PLPP1: variants seen among roughly 807,000 people sequenced by gnomAD.
PLPP1 encodes the protein lipid phosphate phosphohydrolase 1a.
In PLPP1, 24 loss-of-function variants were observed where a neutral mutation model predicts 31.2. The ratio of observed to expected loss-of-function variants is 0.77; its 90% CI spans 0.56 to 1.08. The LOEUF is 1.08. Among genes scored for constraint, PLPP1 ranks in the 50% least tolerant of loss-of-function variants. The probability of loss-of-function intolerance (pLI) is 0.00; values close to 1 mark genes in which losing one functional copy is unlikely to be tolerated. For missense variants in PLPP1, 319 were observed against 342.7 expected, an observed-to-expected ratio of 0.93 and a Z score of 0.55; for synonymous variants, 146 against 126.3, an observed-to-expected ratio of 1.16 and a Z score of -1.05.
chr5:55,479,864 T>G (rs145073566), intron 1 of PLPP1, among the ~76,000 whole-genome samples: 2 of 152,354 alleles, frequency 1.3e-5, no homozygotes, highest in East Asian at 3.9e-4. Context: ...ATTTTTTGAT[T>G]ACCCTATGTG....
intron 1 of PLPP1, among the ~76,000 whole-genome samples, chr5:55,516,990 A>G (rs1053174598): frequency 2.6e-5 from 4 of 152,188 alleles, no homozygotes; most frequent in Admixed American, 2.0e-4. Flanking sequence ...TTTATCTCAT[A>G]TAATTCACTA....
At chr5:55,523,818 T>C (rs1476743729) in intron 1 of PLPP1, among the ~76,000 whole-genome samples, 1 of 152,194 alleles carries the variant, frequency 6.6e-6, no homozygotes, top group Admixed American at 6.5e-5. Context: ...ACTCATTTTG[T>C]TCCTTAAATC....
At position 55,444,360 on chromosome 5, in the gene PLPP1, C is replaced by T. The variant is rs558469616; in HGVS notation, c.492-2452G>A. Among the ~76,000 whole-genome samples, 47 of 152,240 alleles carry T rather than the reference C, an allele frequency of 3.1e-4. No individual in the cohort carries two copies. In the South Asian group the frequency reaches 7.9e-3, roughly 26 times the overall value. The stretch of plus-strand genomic sequence containing the variant: ...CCTCCCAAAGTGCTAGGATTACAAG[C>T]GTGAGCCACCGCGCCCGGCCCCAAA... On this transcript the variant is annotated intron_variant, in intron 3 of 5. Coordinates refer to ENST00000307259, the MANE Select transcript of PLPP1 (RefSeq NM_003711.4).
At chr5:55,483,915 A>T (rs1193094238) in intron 1 of PLPP1, among the ~76,000 whole-genome samples, 1 of 152,146 alleles carries the variant, frequency 6.6e-6, no homozygotes, top group Non-Finnish European at 1.5e-5. Flanking sequence ...ATATTAAGAT[A>T]TGTTTACATA....
intron 3 of PLPP1, among the ~76,000 whole-genome samples, chr5:55,456,935 G>A (rs1752026322): frequency 6.6e-6 from 1 of 152,144 alleles, no homozygotes; most frequent in African/African-American, 2.4e-5. Flanking sequence ...GCTAAGGTGG[G>A]CAGATCATGA....
chr5:55,465,303 C>T (rs936944888), intron 3 of PLPP1, among the ~76,000 whole-genome samples: 6 of 152,138 alleles, frequency 3.9e-5, no homozygotes, highest in Non-Finnish European at 7.4e-5. Flanking sequence ...CCTCTGCCTC[C>T]CAAAGTGCTG....
rs369791599 is a variant in PLPP1 at position 55,438,758 on chromosome 5, G to A, written c.549+3093C>T. On this transcript the variant is annotated intron_variant, in intron 4 of 5. Coordinates refer to ENST00000307259, the MANE Select transcript of PLPP1 (RefSeq NM_003711.4). ...CTACTAAAGATACAAAAAATTAGCC[G>A]GGCGTGGTGGCGGGCGCCTGTAGTC... Among the ~76,000 whole-genome samples the A allele has an allele frequency of 1.4e-3, 206 of 152,176 alleles. 2 individuals are homozygous for A. The Middle Eastern group carries it at 0.024, about 18-fold the overall frequency.
chr5:55,505,208 C>T (rs1753247649), intron 1 of PLPP1, among the ~76,000 whole-genome samples: 1 of 152,134 alleles, frequency 6.6e-6, no homozygotes, highest in Non-Finnish European at 1.5e-5. Context: ...TTCTATACTT[C>T]ATCTACTCAA....
intron 1 of PLPP1, chr5:55,530,636 G>A (rs2111961427): frequency 2.5e-6 from 4 of 1,588,350 alleles, no homozygotes; most frequent in Non-Finnish European, 3.5e-6. Flanking sequence ...CACAGCATCT[G>A]CAGCTACCAG....
chr5:55,430,105 C>T (rs1417602657), intron 4 of PLPP1, among the ~76,000 whole-genome samples: 4 of 152,156 alleles, frequency 2.6e-5, no homozygotes, highest in Non-Finnish European at 5.9e-5. Context: ...CACCTATGGG[C>T]CTGGGGACTA....
Position 55,462,563 on chromosome 5 carries a change from G to A in PLPP1, c.491+5306C>T, listed in dbSNP as rs140829536. ...TAAAAAATAAGAAAAATTTTGGAACGTTGAGGCAAGTAAAGATTTCTTAGG... is the reference window on the plus strand; with the variant it reads ...TAAAAAATAAGAAAAATTTTGGAACATTGAGGCAAGTAAAGATTTCTTAGG... On this transcript the variant is annotated intron_variant, in intron 3 of 5. Coordinates refer to ENST00000307259, the MANE Select transcript of PLPP1 (RefSeq NM_003711.4). Among the ~76,000 whole-genome samples, 206 of 152,012 alleles carry A rather than the reference G, an allele frequency of 1.4e-3. 2 individuals are homozygous for A. The Middle Eastern group carries it at 0.024, about 18-fold the overall frequency.
intron 1 of PLPP1, among the ~76,000 whole-genome samples, chr5:55,497,990 C>CA (rs1466617579): frequency 1.3e-5 from 2 of 150,458 alleles, no homozygotes; most frequent in African/African-American, 4.9e-5. Flanking sequence ...AAGGCAATGA[C>CA]AGAAAGCAGG....
chr5:55,511,220 A>G (rs995837789), intron 1 of PLPP1, among the ~76,000 whole-genome samples: 1 of 152,198 alleles, frequency 6.6e-6, no homozygotes, highest in African/African-American at 2.4e-5. Context: ...GAAAAGAGAG[A>G]GAAGCAGGCT....
At chr5:55,476,577 T>C (rs1200192431) in intron 1 of PLPP1, among the ~76,000 whole-genome samples, 1 of 151,962 alleles carries the variant, frequency 6.6e-6, no homozygotes, top group African/African-American at 2.4e-5. Flanking sequence ...ACCCTCCACA[T>C]GAGATCTGCT....
chr5:55,512,608 A>G (rs183676217), intron 1 of PLPP1, among the ~76,000 whole-genome samples: 4 of 152,276 alleles, frequency 2.6e-5, no homozygotes, highest in Non-Finnish European at 5.9e-5. Context: ...ACAGTATTCC[A>G]TATCATCCAA....
chr5:55,465,281 G>A (rs1222360161), intron 3 of PLPP1, among the ~76,000 whole-genome samples: 1 of 152,134 alleles, frequency 6.6e-6, no homozygotes, highest in Non-Finnish European at 1.5e-5. Flanking sequence ...CTGACCTCGA[G>A]TGATCTGCCT....
chr5:55,492,662 A>C (rs1752919763), intron 1 of PLPP1, among the ~76,000 whole-genome samples: 1 of 152,238 alleles, frequency 6.6e-6, no homozygotes, highest in Non-Finnish European at 1.5e-5. Context: ...ATGAGCAAGA[A>C]GTTTTCAAGG....
chr5:55,503,067 GTCT>G (rs1436904469), intron 1 of PLPP1, among the ~76,000 whole-genome samples: 2 of 152,114 alleles, frequency 1.3e-5, no homozygotes, highest in African/African-American at 4.8e-5. Flanking sequence ...ACCCAACAGT[GTCT>G]TCTTGTCTTC....
chr5:55,425,166 T>C lies in PLPP1; in HGVS notation c.*40A>G, dbSNP rs765692593. 6.3e-7 allele frequency: 1 copy of C among 1,588,734 alleles called. No individual in the cohort carries two copies. The highest frequency in any genetic ancestry group is 1.1e-5 in the South Asian group (1 of 87,700). On this transcript the variant is annotated 3_prime_UTR_variant, in exon 6 of 6. Coordinates refer to ENST00000307259, the MANE Select transcript of PLPP1 (RefSeq NM_003711.4). ...TTGCCTTGTGGCAATCATTTTCCTT[T>C]AGAAAACAGGCCAGCTTCACCTGGG...
Sources: gnomAD v4.1 joint callset for allele counts (sites outside exome capture counted in the v4.1 genomes callset) on GRCh38, gnomAD v4.1.1 for gene constraint, MANE v1.5 for transcripts, NCBI Gene and HGNC (gene_info 2026-07-23, HGNC 2026-07-21) for gene names.